RAPGEF1: variants seen among roughly 807,000 people sequenced by gnomAD.
RAPGEF1 encodes Rap guanine nucleotide exchange factor 1, also known as CRK SH3-binding GNRP.
Under a neutral mutation model 143.3 loss-of-function variants are expected in RAPGEF1, and 33 were observed. That is an observed-to-expected ratio of 0.23 (90% confidence interval 0.17 to 0.31). The LOEUF (loss-of-function observed/expected upper bound fraction) is 0.31. Among genes scored for constraint, RAPGEF1 ranks in the 10% least tolerant of loss-of-function variants. RAPGEF1 has a pLI of 1.00. For synonymous variants in RAPGEF1, 629 were observed against 676.5 expected (o/e 0.93, Z 1.09); for missense variants, 1,199 against 1,645.4 (o/e 0.73, Z 4.69).
rs1964060798 is a variant in RAPGEF1, at chr9:131,628,880, A to G, written c.894-208T>C. On this transcript the variant is annotated intron_variant, in intron 7 of 26. Coordinates refer to ENST00000683357, the MANE Select transcript of RAPGEF1 (RefSeq NM_001377935.1). The surrounding 1 kb of genome is among the most constrained non-coding windows in gnomAD (Gnocchi z 5.7). ...AAGAACAACCCTTTCTTTTTCTTTCATAATAAATCATACCATGTCTCCCTG... is the reference window on the plus strand; with the variant it reads ...AAGAACAACCCTTTCTTTTTCTTTCGTAATAAATCATACCATGTCTCCCTG... Among the ~76,000 whole-genome samples the G allele has an allele frequency of 6.6e-6, 1 of 152,210 alleles. No individual in the cohort carries two copies. The highest frequency in any genetic ancestry group is 2.1e-4 in the South Asian group (1 of 4,832).
At chr9:131,726,067 G>C (rs1335625656) in intron 1 of RAPGEF1, among the ~76,000 whole-genome samples, 1 of 151,992 alleles carries the variant, frequency 6.6e-6, no homozygotes, top group Non-Finnish European at 1.5e-5. Context: ...CCAAAATTGG[G>C]TTGTTTTTTG....
At chr9:131,706,242 C>T (rs1464431773) in intron 1 of RAPGEF1, among the ~76,000 whole-genome samples, 3 of 151,988 alleles carry the variant, frequency 2.0e-5, no homozygotes, top group Non-Finnish European at 4.4e-5. Context: ...AGATCAGGGT[C>T]ATGGTGGTGC....
chr9:131,653,984 T>C (rs1439438136), intron 1 of RAPGEF1, among the ~76,000 whole-genome samples: 1 of 152,234 alleles, frequency 6.6e-6, no homozygotes, highest in African/African-American at 2.4e-5. Flanking sequence ...ACAACACAGT[T>C]GAACCTTGAA....
intron 1 of RAPGEF1, among the ~76,000 whole-genome samples, chr9:131,690,071 TG>T (rs1329166740): frequency 6.6e-6 from 1 of 152,106 alleles, no homozygotes; most frequent in African/African-American, 2.4e-5. Flanking sequence ...AATTAAGAAA[TG>T]GTGCTCATGT....
At chr9:131,678,089 G>A (rs1014405744) in intron 1 of RAPGEF1, among the ~76,000 whole-genome samples, 13 of 152,202 alleles carry the variant, frequency 8.5e-5, no homozygotes, top group African/African-American at 3.1e-4. Flanking sequence ...AATGTGCAAA[G>A]TTACAAAGCA....
At chr9:131,737,682 AG>A in intron 1 of RAPGEF1, 1 of 1,154,374 alleles carries the variant, frequency 8.7e-7, no homozygotes, top group Non-Finnish European at 1.2e-6. Flanking sequence ...TTAAAAAAAG[AG>A]GCCCAGCGCG....
chr9:131,699,927 CCA>C (rs1260070009), intron 1 of RAPGEF1, among the ~76,000 whole-genome samples: 1 of 152,154 alleles, frequency 6.6e-6, no homozygotes, highest in Non-Finnish European at 1.5e-5. Flanking sequence ...TTTCTGAACT[CCA>C]GATTTTTATA....
intron 1 of RAPGEF1, among the ~76,000 whole-genome samples, chr9:131,702,417 A>T (rs1036710859): frequency 6.6e-6 from 1 of 152,256 alleles, no homozygotes; most frequent in Non-Finnish European, 1.5e-5. Flanking sequence ...TGGGAAATTA[A>T]ATTTTATAAC....
chr9:131,653,590 C>T (rs1233424933), intron 1 of RAPGEF1, among the ~76,000 whole-genome samples: 4 of 152,190 alleles, frequency 2.6e-5, no homozygotes, highest in South Asian at 2.1e-4. Context: ...GGAAATGTAA[C>T]GCTTCACGCA....
rs1028514518 is a variant in RAPGEF1, at chr9:131,596,351, C to T, written c.2636G>A (p.Arg879His). 7 of 1,613,814 alleles carry T rather than the reference C, an allele frequency of 4.3e-6. No homozygotes were observed. The highest frequency in any genetic ancestry group is 1.3e-5 in the African/African-American group (1 of 74,918). Residue 879 changes from arginine to histidine, a missense_variant, in exon 17 of 27, where the codon CGC becomes CAC. Arg to His is a conservative substitution (Grantham distance 29). This residue lies in a region of RAPGEF1 where 209 missense variants were observed against 403.0 expected (regional missense o/e 0.52). Coordinates refer to ENST00000683357, the MANE Select transcript of RAPGEF1 (RefSeq NM_001377935.1). ...KQEGDDGPDV[R>H]GGSGDILLVH... is the part of the protein sequence containing the mutation. ...CAGTAAGATGTCCCCAGATCCTCCG[C>T]GGACGTCCGGCCCGTCATCACCCTG...
chr9:131,738,452 G>A lies in RAPGEF1; in HGVS notation c.61+1318C>T, dbSNP rs928828206. On this transcript the variant is annotated intron_variant, in intron 1 of 26. Coordinates refer to ENST00000683357, the MANE Select transcript of RAPGEF1 (RefSeq NM_001377935.1). ...TCATGGTCACTCGGCAAGGCTGTGG[G>A]GGCTCAAATTCAGTGAGAAAAATAC... 7.9e-5 allele frequency among the ~76,000 whole-genome samples: 12 copies of A among 152,220 alleles called. No individual in the cohort carries two copies. The East Asian group carries it at 9.6e-4, about 12-fold the overall frequency.
intron 15 of RAPGEF1, among the ~76,000 whole-genome samples, chr9:131,599,310 T>G (rs1183621367): frequency 2.6e-5 from 4 of 151,598 alleles, no homozygotes; most frequent in Non-Finnish European, 5.9e-5. Context: ...ATTGTAGGGA[T>G]GAGGTCTCAC....
At chr9:131,629,399 T>C (rs1196754814) in intron 6 of RAPGEF1, 145 bp from the exon 7 acceptor site, 4 of 832,022 alleles carry the variant, frequency 4.8e-6, no homozygotes, top group African/African-American at 3.4e-5. Flanking sequence ...TATAGAACCC[T>C]GGGGTTCTGG....
chr9:131,723,722 A>C (rs1589107619), intron 1 of RAPGEF1, among the ~76,000 whole-genome samples: 1 of 152,192 alleles, frequency 6.6e-6, no homozygotes, highest in Admixed American at 6.5e-5. Context: ...GTTGTGAATG[A>C]TGCTGCTACA....
chr9:131,587,169 G>A (rs868802310), intron 22 of RAPGEF1, among the ~76,000 whole-genome samples: 3 of 95,156 alleles, frequency 3.2e-5, no homozygotes, highest in Non-Finnish European at 6.2e-5. Context: ...CCTGCAGAGC[G>A]AGACTCCGTC....
chr9:131,719,496 A>G (rs1048765960), intron 1 of RAPGEF1, among the ~76,000 whole-genome samples: 5 of 150,394 alleles, frequency 3.3e-5, no homozygotes, highest in African/African-American at 1.2e-4. Flanking sequence ...AATACTGGGC[A>G]GCGGCTTCAA....
Position 131,577,126 on chromosome 9 carries a change from T to TGAGCACA in RAPGEF1, c.*2364_*2370dup, listed in dbSNP as rs1951309881. ...ACGAGCCACGGCCAGGCCGCAGCACTGAGCACAGAGCTCAGCAATAACCAG... is the reference window on the plus strand; with the variant it reads ...ACGAGCCACGGCCAGGCCGCAGCACTGAGCACAGAGCACAGAGCTCAGCAATAACCAG... On this transcript the variant is annotated 3_prime_UTR_variant, in exon 27 of 27. Coordinates refer to ENST00000683357, the MANE Select transcript of RAPGEF1 (RefSeq NM_001377935.1). 6.6e-6 allele frequency: 1 copy of TGAGCACA among 152,420 alleles called. No individual in the cohort carries two copies. The allele number at this position is 152,420 out of a possible 1,614,324, so 9.4% of individuals were successfully genotyped here. A position where few individuals can be genotyped will look rare whatever the true frequency, so the allele number is the denominator to read the frequency against.
At chr9:131,615,077 GTTT>G (rs1009910900) in intron 12 of RAPGEF1, among the ~76,000 whole-genome samples, 1 of 152,164 alleles carries the variant, frequency 6.6e-6, no homozygotes, top group Non-Finnish European at 1.5e-5. Context: ...GGAGGAAGGT[GTTT>G]TTTCTTTTTT....
chr9:131,651,657 G>A (rs1971105589), intron 1 of RAPGEF1, among the ~76,000 whole-genome samples: 1 of 152,124 alleles, frequency 6.6e-6, no homozygotes, highest in Non-Finnish European at 1.5e-5. Flanking sequence ...TAGAAAATTG[G>A]ACTTCATCAA....
Sources: gnomAD v4.1 joint callset for allele counts (sites outside exome capture counted in the v4.1 genomes callset) on GRCh38, gnomAD v4.1.1 for gene constraint, gnomAD v4.1.1 regional missense constraint, Gnocchi (gnomAD v3.1) non-coding constraint, MANE v1.5 for transcripts, NCBI Gene and HGNC (gene_info 2026-07-23, HGNC 2026-07-21) for gene names.